Variants in SZT2 observed in about 807,000 individuals in gnomAD.
SZT2 encodes the protein KICSTOR complex protein SZT2.
A neutral mutation model predicts 404.2 loss-of-function variants in SZT2; 216 were observed. The observed-to-expected ratio is 0.53, with a 90% CI of 0.48 to 0.60. SZT2 has a LOEUF of 0.60. Among genes scored for constraint, SZT2 ranks in the 20% least tolerant of loss-of-function variants. The pLI is 0.00. For missense variants in SZT2, 3,857 were observed against 4,459.2 expected, an observed-to-expected ratio of 0.86 and a Z score of 3.85; for synonymous variants, 1,693 against 1,749.9, an observed-to-expected ratio of 0.97 and a Z score of 0.81.
chr1:43,449,949 G>T, intron 70 of SZT2, 154 bp from the exon 71 acceptor site: 1 of 847,032 alleles, frequency 1.2e-6, no homozygotes, highest in Non-Finnish European at 1.9e-6. Context: ...GAGGACTGAG[G>T]CTCAATTTGG....
chr1:43,448,117 T>C lies in SZT2; in HGVS notation c.9602T>C (p.Leu3201Pro). The change falls in exon 69 of 72, where the codon CTC becomes CCC. Residue 3201 changes from leucine to proline, a missense_variant. By Grantham distance (98) the Leu-to-Pro change is moderately conservative. Coordinates refer to ENST00000634258, the MANE Select transcript of SZT2 (RefSeq NM_001365999.1). The surrounding 1 kb of genome is among the most constrained non-coding windows in gnomAD (Gnocchi z 4.2). ...GTGGTGCTCACCAGCCAGCGAGAGC[T>C]CTTCCCCAGGCTCACTGCTGACATG... Reference protein sequence around the residue: ...FFVVLTSQRELFPRLTADMRR... With the variant: ...FFVVLTSQREPFPRLTADMRR... 6.2e-7 allele frequency: 1 copy of C among 1,601,042 alleles called. No individual in the cohort carries two copies. The highest frequency in any genetic ancestry group is 8.5e-7 in the Non-Finnish European group (1 of 1,171,524).
chr1:43,430,576 C>T lies in SZT2; in HGVS notation c.4561C>T (p.Leu1521=). The part of the protein sequence containing the change: ...VEYRESRESD[L]GPAGLDSASL... Reference sequence around the variant, plus strand: ...ATACCGGGAGAGCCGTGAATCAGACCTGGGGCCTGCTGGGCTAGACTCTGC... The same window carrying T: ...ATACCGGGAGAGCCGTGAATCAGACTTGGGGCCTGCTGGGCTAGACTCTGC... Residue 1521 remains leucine (L), a synonymous_variant, in exon 32 of 72, where the codon CTG becomes TTG. Coordinates refer to ENST00000634258, the MANE Select transcript of SZT2 (RefSeq NM_001365999.1). 1 of 1,614,194 alleles carries T rather than the reference C, an allele frequency of 6.2e-7. No homozygotes were observed. Among genetic ancestry groups the T allele is most frequent in the Non-Finnish European group, 8.5e-7 (1 of 1,180,042 alleles).
intron 1 of SZT2, among the ~76,000 whole-genome samples, chr1:43,394,889 AAAAAG>A (rs935481286): frequency 1.3e-4 from 20 of 152,286 alleles, no homozygotes; most frequent in African/African-American, 2.6e-4. Context: ...CAAAAAAAAA[AAAAAG>A]AAAAGAAAAA....
intron 39 of SZT2, 31 bp from the exon 40 acceptor site, chr1:43,432,958 A>T (rs1222178800): frequency 1.9e-6 from 3 of 1,611,368 alleles, no homozygotes; most frequent in Non-Finnish European, 2.5e-6. Flanking sequence ...CCAGCTTCGG[A>T]TGGGATTGAC....
At chr1:43,417,283 T>G (rs754043856) in intron 7 of SZT2, among the ~76,000 whole-genome samples, 14 of 151,932 alleles carry the variant, frequency 9.2e-5, no homozygotes, top group Non-Finnish European at 1.5e-4. Context: ...GTAAGAGGAT[T>G]GAGAAAAATG....
At position 43,428,461 on chromosome 1, in the gene SZT2, C is replaced by T. The variant is rs777424455; in HGVS notation, c.4141C>T (p.Arg1381Ter). 22 of 1,613,874 alleles carry T rather than the reference C, an allele frequency of 1.4e-5. No individual in the cohort carries two copies. The highest frequency in any genetic ancestry group is 1.7e-5 in the Non-Finnish European group (20 of 1,180,024). Residue 1381 changes from arginine (R) to a stop codon, truncating the protein, a stop_gained, in exon 28 of 72, where the codon CGA becomes TGA. Coordinates refer to ENST00000634258, the MANE Select transcript of SZT2 (RefSeq NM_001365999.1). LOFTEE classifies it high-confidence loss of function. ...SMEEGAEPRERAILASESSIE... is the reference protein window; with the variant it reads ...SMEEGAEPRE Reference sequence around the variant, plus strand: ...GGAGGAGGGTGCTGAACCTCGGGAACGAGCTATCCTAGCTTCTGAATCCAG... The same window carrying T: ...GGAGGAGGGTGCTGAACCTCGGGAATGAGCTATCCTAGCTTCTGAATCCAG...
At chr1:43,436,827 A>G (rs762047121) in intron 42 of SZT2, 41 of 278,286 alleles carry the variant, frequency 1.5e-4, no homozygotes, top group Non-Finnish European at 2.4e-4. Context: ...TCCCTGGAGG[A>G]CATAGTGTTA....
In SZT2 at chr1:43,451,060, C is replaced by T. The variant is rs766915968; in HGVS notation, c.*580C>T. On this transcript the variant is annotated 3_prime_UTR_variant, in exon 72 of 72. Coordinates refer to ENST00000634258, the MANE Select transcript of SZT2 (RefSeq NM_001365999.1). ...AGAAGCTCTCCCATCTTCACAGCAA[C>T]CCTGGCACTGGCTTCTCAATGGGAG... is the stretch of plus-strand genomic sequence containing the variant. 2 of 797,414 alleles carry T rather than the reference C, an allele frequency of 2.5e-6. No individual in the cohort carries two copies. Among genetic ancestry groups the T allele is most frequent in the East Asian group, 2.4e-5 (1 of 41,304 alleles). The allele number at this position is 797,414 out of a possible 1,614,324, so 49.4% of individuals were successfully genotyped here.
Position 43,390,051 on chromosome 1 carries a change from C to T in SZT2, c.27+56C>T, listed in dbSNP as rs1266936465. 37 of 1,370,248 alleles carry T rather than the reference C, an allele frequency of 2.7e-5. No individual in the cohort carries two copies. In the Admixed American group the frequency reaches 1.2e-3, roughly 44 times the overall value. The allele number at this position is 1,370,248 out of a possible 1,614,324, so 84.9% of individuals were successfully genotyped here. A position where few individuals can be genotyped will look rare whatever the true frequency, so the allele number is the denominator to read the frequency against. Reference sequence around the variant, plus strand: ...CCGAGATCCGAGGGGGAGGGTCCGGCGGGCAGGCGTGGCGTTGGCCTCCTC... The same window carrying T: ...CCGAGATCCGAGGGGGAGGGTCCGGTGGGCAGGCGTGGCGTTGGCCTCCTC... On this transcript the variant is annotated intron_variant, in intron 1 of 71. Transcript: ENST00000634258.
Position 43,446,181 on chromosome 1 carries a change from C to T in SZT2, c.8919C>T (p.Ser2973=), listed in dbSNP as rs1655647734. 3 of 1,614,180 alleles carry T rather than the reference C, an allele frequency of 1.9e-6. No homozygotes were observed. Among genetic ancestry groups the T allele is most frequent in the Non-Finnish European group, 1.7e-6 (2 of 1,180,044 alleles). Residue 2973 remains serine, a splice_region_variant and synonymous_variant, in exon 64 of 72, where the codon AGC becomes AGT. Coordinates refer to ENST00000634258, the MANE Select transcript of SZT2 (RefSeq NM_001365999.1). ...TGCCCCCTTTTTTGTTTCTTCAGAGCACTAGCTCTCCGGTAACCACCTACC... is the reference window on the plus strand; with the variant it reads ...TGCCCCCTTTTTTGTTTCTTCAGAGTACTAGCTCTCCGGTAACCACCTACC... ...PKTKTDGSPK[S]TSSPVTTYHL...
rs528295054 is a variant in SZT2 at position 43,430,627 on chromosome 1, A to G, written c.4612A>G (p.Asn1538Asp). 6.2e-7 allele frequency: 1 copy of G among 1,614,062 alleles called. No individual in the cohort carries two copies. The highest frequency in any genetic ancestry group is 2.2e-5 in the East Asian group (1 of 44,864). ...CTCGCTGTCAGACGTAGACACTGTG[A>G]ATCCTGATGAAGACTCCTTCAGTAT... ...SASLSDVDTV[N>D]PDEDSFSILG... The change falls in exon 32 of 72, where the codon AAT becomes GAT. Residue 1538 changes from asparagine to aspartate, a missense_variant. By Grantham distance (23) the Asn-to-Asp change is conservative. Coordinates refer to ENST00000634258, the MANE Select transcript of SZT2 (RefSeq NM_001365999.1).
Position 43,403,281 on chromosome 1 carries a change from G to A in SZT2, c.132G>A (p.Gln44=), listed in dbSNP as rs1649900068. The change falls in exon 2 of 72, where the codon CAG becomes CAA. Residue 44 remains glutamine (Q), a synonymous_variant. Coordinates refer to ENST00000634258, the MANE Select transcript of SZT2 (RefSeq NM_001365999.1). ...TCAGTCATCTGCACCAAACTGTGCA[G>A]GCCACACCCCAGGAGATGCTGGTGA... The part of the protein sequence containing the change: ...WFLSHLHQTV[Q]ATPQEMLLQS... 3.7e-6 allele frequency: 6 copies of A among 1,613,788 alleles called. No individual in the cohort carries two copies. Among genetic ancestry groups the A allele is most frequent in the Non-Finnish European group, 3.4e-6 (4 of 1,180,034 alleles).
Position 43,442,160 on chromosome 1 carries a change from C to A in SZT2, c.7873+30C>A, listed in dbSNP as rs770524450. On this transcript the variant is annotated intron_variant, in intron 56 of 71. Coordinates refer to ENST00000634258, the MANE Select transcript of SZT2 (RefSeq NM_001365999.1). This position sits in a 1 kb window ranked among gnomAD's most constrained non-coding sequence, Gnocchi z 4.5. ...GGGCATGGCCCGGGGGGGCGGGGGG[C>A]GGGTAGGCTAAGAGTAACTGGTGGG... The A allele has an allele frequency of 6.5e-7, 1 of 1,531,362 alleles. No individual in the cohort carries two copies. The highest frequency in any genetic ancestry group is 2.0e-5 in the Admixed American group (1 of 49,744). The allele number at this position is 1,531,362 out of a possible 1,614,324, so 94.9% of individuals were successfully genotyped here. A position where few individuals can be genotyped will look rare whatever the true frequency, so the allele number is the denominator to read the frequency against.
intron 1 of SZT2, among the ~76,000 whole-genome samples, chr1:43,392,128 T>A (rs1289687492): frequency 0.015 from 1,788 of 116,164 alleles, 187 homozygotes; most frequent in Middle Eastern, 0.031. Context: ...AAAAAAAAAA[T>A]GAAACAAATG....
chr1:43,396,716 TTTCTTTCTGTAACACTG>T (rs1649038591), intron 1 of SZT2, among the ~76,000 whole-genome samples: 1 of 152,218 alleles, frequency 6.6e-6, no homozygotes, highest in Non-Finnish European at 1.5e-5. Flanking sequence ...ATCACAACAC[TTTCTTTCTGTAACACTG>T]TTCTTTCTAA....
Position 43,391,952 on chromosome 1 carries a change from C to T in SZT2, c.27+1957C>T, listed in dbSNP as rs1374294781. Among the ~76,000 whole-genome samples the T allele has an allele frequency of 5.8e-5, 4 of 68,934 alleles. 2 individuals are homozygous for T. The highest frequency in any genetic ancestry group is 2.9e-4 in the Admixed American group (2 of 6,828). The allele number at this position is 68,934 out of a possible 152,430, so 45.2% of individuals were successfully genotyped here. ...ACAAAAAATTAGCTGGGCGTGGTGG[C>T]GGGCGCCTGTAGTCCCAGCTACTCG... is the stretch of plus-strand genomic sequence containing the variant. On this transcript the variant is annotated intron_variant, in intron 1 of 71. Coordinates refer to ENST00000634258, the MANE Select transcript of SZT2 (RefSeq NM_001365999.1).
At chr1:43,444,732 T>A (rs532907048) in intron 62 of SZT2, among the ~76,000 whole-genome samples, 3 of 152,328 alleles carry the variant, frequency 2.0e-5, no homozygotes, top group African/African-American at 7.2e-5. Context: ...TTGTGGCCCC[T>A]GCTCTATGTT....
chr1:43,428,301 A>G lies in SZT2; in HGVS notation c.3981A>G (p.Val1327=). The change falls in exon 28 of 72, where the codon GTA becomes GTG. Residue 1327 remains valine (V), a synonymous_variant. Coordinates refer to ENST00000634258, the MANE Select transcript of SZT2 (RefSeq NM_001365999.1). ...SVTSQDLLTA[V]DACEELLQEI... is the part of the protein sequence containing the mutation. ...CCTCCCAGGATTTGCTGACAGCGGT[A>G]GATGCCTGTGAGGAGCTACTACAAG... The G allele has an allele frequency of 1.9e-6, 3 of 1,614,184 alleles. No individual in the cohort carries two copies. The highest frequency in any genetic ancestry group is 2.5e-6 in the Non-Finnish European group (3 of 1,180,018).
chr1:43,450,688 C>T lies in SZT2; in HGVS notation c.*208C>T. Reference sequence around the variant, plus strand: ...CTCCCCAAACACCCACAGCCACTGACCCATCCAGGACTCCAGAGAGTCAGG... The same window carrying T: ...CTCCCCAAACACCCACAGCCACTGATCCATCCAGGACTCCAGAGAGTCAGG... On this transcript the variant is annotated 3_prime_UTR_variant, in exon 72 of 72. Coordinates refer to ENST00000634258, the MANE Select transcript of SZT2 (RefSeq NM_001365999.1). The surrounding 1 kb of genome is among the most constrained non-coding windows in gnomAD (Gnocchi z 4.3). The T allele has an allele frequency of 1.3e-6, 1 of 769,948 alleles. No homozygotes were observed. Among genetic ancestry groups the T allele is most frequent in the Non-Finnish European group, 2.1e-6 (1 of 468,240 alleles). 47.7% of individuals were successfully genotyped at this position (769,948 alleles called of 1,614,324 possible). A position where few individuals can be genotyped will look rare whatever the true frequency, so the allele number is the denominator to read the frequency against.
Sources: gnomAD v4.1 joint callset for allele counts (sites outside exome capture counted in the v4.1 genomes callset) on GRCh38, gnomAD v4.1.1 for gene constraint, Gnocchi (gnomAD v3.1) non-coding constraint, MANE v1.5 for transcripts, NCBI Gene and HGNC (gene_info 2026-07-23, HGNC 2026-07-21) for gene names.